Variants in DNAH5 observed in about 807,000 individuals in gnomAD.
DNAH5 encodes dynein axonemal heavy chain 5, also known as axonemal beta dynein heavy chain 5.
A neutral mutation model predicts 518.2 loss-of-function variants in DNAH5; 372 were observed. That is an observed-to-expected ratio of 0.72 (90% CI 0.66 to 0.78). The LOEUF (loss-of-function observed/expected upper bound fraction) is 0.78. Ranked by LOEUF, DNAH5 falls within the 30% of genes least tolerant of loss-of-function variation. DNAH5 has a pLI of 0.00. For synonymous variants in DNAH5, 2,039 were observed against 2,025.9 expected, an observed-to-expected ratio of 1.01 and a Z score of -0.17; for missense variants, 5,523 against 5,687.0, an observed-to-expected ratio of 0.97 and a Z score of 0.93.
At chr5:13,950,613 T>A (rs529073402) in intron 1 of DNAH5, among the ~76,000 whole-genome samples, 2 of 152,258 alleles carry the variant, frequency 1.3e-5, no homozygotes, top group East Asian at 3.9e-4. Flanking sequence ...CTTTCTGAAA[T>A]TTTTCTCCCA....
intron 1 of DNAH5, among the ~76,000 whole-genome samples, chr5:13,976,850 T>C (rs565935235): frequency 6.6e-6 from 1 of 152,232 alleles, no homozygotes; most frequent in South Asian, 2.1e-4. Context: ...AAAGACTTCA[T>C]ACCAACTGAT....
chr5:13,753,620 GA>G (rs568785201), intron 62 of DNAH5, 71 bp from the exon 63 acceptor site: 1,177 of 1,352,780 alleles, frequency 8.7e-4, no homozygotes, highest in Non-Finnish European at 1.0e-3. Context: ...TATTAAAAAT[GA>G]AAAAAATTAA....
chr5:13,774,764 G>C (rs953346551), intron 55 of DNAH5, among the ~76,000 whole-genome samples: 1 of 152,098 alleles, frequency 6.6e-6, no homozygotes, highest in Non-Finnish European at 1.5e-5. Context: ...TAAAAGAATG[G>C]GACAATGAGA....
At chr5:13,696,969 T>G (rs1003594451) in intron 78 of DNAH5, among the ~76,000 whole-genome samples, 6 of 152,220 alleles carry the variant, frequency 3.9e-5, no homozygotes, top group African/African-American at 1.4e-4. Flanking sequence ...AATCTGTTCT[T>G]AAATCATAAA....
intron 1 of DNAH5, among the ~76,000 whole-genome samples, chr5:13,971,591 C>T (rs1411532542): frequency 6.6e-6 from 1 of 152,158 alleles, no homozygotes; most frequent in Non-Finnish European, 1.5e-5. Flanking sequence ...TGGTCTGGTA[C>T]TGGGGAGTGT....
At chr5:13,735,797 G>T (rs1423537977) in intron 67 of DNAH5, 21 bp downstream of exon 67, 3 of 1,580,538 alleles carry the variant, frequency 1.9e-6, no homozygotes, top group South Asian at 1.1e-5. Context: ...ATTCAGCTTG[G>T]CTTCCCGCGT....
intron 1 of DNAH5, among the ~76,000 whole-genome samples, chr5:13,998,507 G>A (rs1354192838): frequency 2.0e-5 from 3 of 152,182 alleles, no homozygotes; most frequent in African/African-American, 4.8e-5. Flanking sequence ...CCCTTCCCAC[G>A]TAAGTGAAGG....
intron 1 of DNAH5, among the ~76,000 whole-genome samples, chr5:13,968,202 G>C (rs138202038): frequency 1.2e-4 from 19 of 152,226 alleles, no homozygotes; most frequent in African/African-American, 4.1e-4. Context: ...TCAGTGCTAG[G>C]AGCTTTTGGG....
intron 61 of DNAH5, among the ~76,000 whole-genome samples, chr5:13,758,496 A>G (rs1361991182): frequency 6.6e-6 from 1 of 152,094 alleles, no homozygotes; most frequent in Admixed American, 6.6e-5. Context: ...CTTTGTCTAA[A>G]TAAATAAATA....
chr5:14,007,436 G>C (rs1784797233), intron 1 of DNAH5, among the ~76,000 whole-genome samples: 1 of 152,152 alleles, frequency 6.6e-6, no homozygotes, highest in Non-Finnish European at 1.5e-5. Flanking sequence ...TCACAGCCAA[G>C]CCCTGGTGGC....
chr5:13,866,112 C>T (rs578214267), intron 26 of DNAH5, 108 bp downstream of exon 26: 153 of 1,043,182 alleles, frequency 1.5e-4, no homozygotes, highest in Non-Finnish European at 2.2e-4. Context: ...CAAGTACATA[C>T]CATATTCCAC....
chr5:13,760,005 A>T lies in DNAH5; in HGVS notation c.10282-1022T>A, dbSNP rs577660149. The stretch of plus-strand genomic sequence containing the variant: ...ACTAGATCCAGTGATGGGCAAAAGC[A>T]TCGCTTGTAAGTTACAATTTAAAAA... On this transcript the variant is annotated intron_variant, in intron 60 of 78. Coordinates refer to ENST00000265104, the MANE Select transcript of DNAH5 (RefSeq NM_001369.3). Among the ~76,000 whole-genome samples, 64 of 152,360 alleles carry T rather than the reference A, an allele frequency of 4.2e-4. 2 individuals are homozygous for T. Among genetic ancestry groups the T allele is most frequent in the African/African-American group, 1.4e-3 (60 of 41,588 alleles).
In DNAH5 at chr5:13,810,066, C is replaced by T. The variant is rs770309996; in HGVS notation, c.7602G>A (p.Ala2534=). The stretch of plus-strand genomic sequence containing the variant: ...ACGGGCAGGTGTCCTCACCATCGGG[C>T]GCCACATAGTAGTCGAAGGCGGTGT... The part of the protein sequence containing the change: ...PGDTAFDYYV[A]PDGTWTHWNT... Residue 2534 remains alanine (A), a synonymous_variant, in exon 45 of 79, where the codon GCG becomes GCA. Coordinates refer to ENST00000265104, the MANE Select transcript of DNAH5 (RefSeq NM_001369.3). The T allele has an allele frequency of 1.3e-6, 2 of 1,552,136 alleles. No homozygotes were observed. Among genetic ancestry groups the T allele is most frequent in the Middle Eastern group, 2.3e-4 (1 of 4,420 alleles).
Position 13,754,084 on chromosome 5 carries a change from T to C in DNAH5, c.10555+119A>G. ...GGGTACATGCGCACAATGTGCGGGT[T>C]TGTTACATATGTATACATGCGCCAT... On this transcript the variant is annotated intron_variant, in intron 62 of 78. Coordinates refer to ENST00000265104, the MANE Select transcript of DNAH5 (RefSeq NM_001369.3). 4.2e-6 allele frequency: 5 copies of C among 1,188,626 alleles called. No individual in the cohort carries two copies. The Admixed American group carries it at 8.8e-5, about 21-fold the overall frequency. 73.6% of individuals were successfully genotyped at this position (1,188,626 alleles called of 1,614,324 possible).
intron 2 of DNAH5, among the ~76,000 whole-genome samples, chr5:13,930,696 C>G (rs922053032): frequency 6.6e-6 from 1 of 152,156 alleles, no homozygotes; most frequent in African/African-American, 2.4e-5. Flanking sequence ...CAAAAGAAAG[C>G]AGGTTCAGCT....
At chr5:13,904,425 G>C (rs1310464041) in intron 12 of DNAH5, among the ~76,000 whole-genome samples, 1 of 147,978 alleles carries the variant, frequency 6.8e-6, no homozygotes, top group Non-Finnish European at 1.5e-5. Context: ...ATAGATATAT[G>C]GATTTTATAT....
At chr5:13,778,597 A>AGG (rs1491094687) in intron 53 of DNAH5, among the ~76,000 whole-genome samples, 1 of 28,392 alleles carries the variant, frequency 3.5e-5, no homozygotes, top group Non-Finnish European at 8.6e-5. Flanking sequence ...AAAGAAAGAA[A>AGG]GAGAGAGAGA....
intron 65 of DNAH5, among the ~76,000 whole-genome samples, chr5:13,747,748 A>G (rs1337526321): frequency 6.6e-6 from 1 of 151,738 alleles, no homozygotes; most frequent in Non-Finnish European, 1.5e-5. Context: ...TTTTCTTGTA[A>G]ATTTCTTTGA....
In DNAH5 at chr5:13,825,346, A is replaced by AAAATAAAT. The variant is rs143083505; in HGVS notation, c.6445-1021_6445-1014dup. Among the ~76,000 whole-genome samples, 233 of 150,610 alleles carry AAAATAAAT rather than the reference A, an allele frequency of 1.5e-3. 1 individual carries two copies. The highest frequency in any genetic ancestry group is 4.2e-3 in the African/African-American group (170 of 40,962). On this transcript the variant is annotated intron_variant, in intron 38 of 78. Transcript: ENST00000265104. ...AACAGAGCAAGACTCTGTCTTGCAAAAAATAAATAAATAAATAAATAAATA... is the reference window on the plus strand; with the variant it reads ...AACAGAGCAAGACTCTGTCTTGCAAAAAATAAATAAATAAATAAATAAATAAATAAATA...
Sources: allele counts gnomAD v4.1 joint callset (sites outside exome capture counted in the v4.1 genomes callset), GRCh38; gene constraint gnomAD v4.1.1; transcripts MANE v1.5; gene names NCBI Gene and HGNC (gene_info 2026-07-23, HGNC 2026-07-21).